The following MAPK8IP3 variants were observed in gnomAD, a reference collection of about 807,000 sequenced individuals.
MAPK8IP3 encodes the protein C-Jun-amino-terminal kinase-interacting protein 3.
MAPK8IP3 carries 49 observed loss-of-function variants against 157.8 expected under a neutral mutation model. The ratio of observed to expected loss-of-function variants is 0.31; its 90% CI spans 0.25 to 0.39. MAPK8IP3 has a LOEUF of 0.39. MAPK8IP3 is among the 10% of genes least tolerant of loss of function. MAPK8IP3 has a pLI of 1.00. For missense variants in MAPK8IP3, 1,478 were observed against 1,889.4 expected (o/e 0.78, Z 4.04); for synonymous variants, 897 against 777.7 (o/e 1.15, Z -2.55).
chr16:1,746,174 G>A (rs1365840783), intron 5 of MAPK8IP3: 3 of 152,266 alleles, frequency 2.0e-5, no homozygotes, highest in East Asian at 1.9e-4. Flanking sequence ...CGGGGGCCAC[G>A]GGCAAGCTCT....
At chr16:1,758,105 C>G (rs767371531) in intron 8 of MAPK8IP3, 43 bp from the exon 9 acceptor site, 4 of 1,610,838 alleles carry the variant, frequency 2.5e-6, no homozygotes, top group East Asian at 2.2e-5. Flanking sequence ...TGACCTTTGT[C>G]CCTTCCTTCC....
intron 4 of MAPK8IP3, among the ~76,000 whole-genome samples, chr16:1,736,167 C>T (rs373984394): frequency 5.0e-5 from 6 of 119,624 alleles, no homozygotes; most frequent in African/African-American, 1.3e-4. Flanking sequence ...TCCGTGTGAG[C>T]GTCCGTGTGA....
At chr16:1,708,394 C>G (rs980302606) in intron 1 of MAPK8IP3, among the ~76,000 whole-genome samples, 6 of 152,256 alleles carry the variant, frequency 3.9e-5, no homozygotes, top group Non-Finnish European at 8.8e-5. Flanking sequence ...CTCCCACACT[C>G]AGTGGCCTGA....
At position 1,742,372 on chromosome 16, in the gene MAPK8IP3, C is replaced by T. The variant is rs957103726; in HGVS notation, c.603-960C>T. On this transcript the variant is annotated intron_variant, in intron 4 of 31. Coordinates refer to ENST00000610761, the MANE Select transcript of MAPK8IP3 (RefSeq NM_001318852.2). This position sits in a 1 kb window ranked among gnomAD's most constrained non-coding sequence, Gnocchi z 5.0. ...CTGACAGCTCCAGCTCCCAGGCGCT[C>T]CCACTGTCTTGCCAGGCTGTCCGAG... Among the ~76,000 whole-genome samples, 1 of 152,184 alleles carries T rather than the reference C, an allele frequency of 6.6e-6. No homozygotes were observed. Among genetic ancestry groups the T allele is most frequent in the African/African-American group, 2.4e-5 (1 of 41,450 alleles).
At position 1,758,991 on chromosome 16, in the gene MAPK8IP3, C is replaced by A. The variant is rs1371961321; in HGVS notation, c.1242C>A (p.Phe414Leu). ...ACGGCTCCCTAGTGCGCGATGATTTCTTTGGTAAGGCTGAGGCCCCGTTCC... is the reference window on the plus strand; with the variant it reads ...ACGGCTCCCTAGTGCGCGATGATTTATTTGGTAAGGCTGAGGCCCCGTTCC... ...LLGEFSVRDDFFGMGKEVGNL... is the reference protein window; with the variant it reads ...LLGEFSVRDDLFGMGKEVGNL... The change falls in exon 10 of 32, where the codon TTC becomes TTA. Residue 414 changes from phenylalanine to leucine, a missense_variant. By Grantham distance (22) the Phe-to-Leu change is conservative. Coordinates refer to ENST00000610761, the MANE Select transcript of MAPK8IP3 (RefSeq NM_001318852.2). 1 of 1,614,080 alleles carries A rather than the reference C, an allele frequency of 6.2e-7. No individual in the cohort carries two copies. Among genetic ancestry groups the A allele is most frequent in the Non-Finnish European group, 8.5e-7 (1 of 1,180,040 alleles).
At chr16:1,763,605 G>C (rs2042077108) in intron 16 of MAPK8IP3, 52 bp from the exon 17 acceptor site, 1 of 1,461,214 alleles carries the variant, frequency 6.8e-7, no homozygotes, top group East Asian at 2.7e-5. Context: ...CTGGGGCACT[G>C]TGGGGGCCGC....
At chr16:1,709,020 G>C (rs953143778) in intron 1 of MAPK8IP3, among the ~76,000 whole-genome samples, 2 of 152,210 alleles carry the variant, frequency 1.3e-5, no homozygotes, top group African/African-American at 4.8e-5. Context: ...GGCGTGTCTT[G>C]TTGCAGAGGA....
intron 5 of MAPK8IP3, chr16:1,744,410 C>T: frequency 2.0e-6 from 2 of 985,874 alleles, no homozygotes; most frequent in Non-Finnish European, 2.4e-6. Flanking sequence ...CCTGTGGGGG[C>T]TGCTGCAGGC....
intron 4 of MAPK8IP3, among the ~76,000 whole-genome samples, chr16:1,738,638 G>C (rs1470821596): frequency 7.3e-6 from 1 of 136,760 alleles, no homozygotes; most frequent in Non-Finnish European, 1.6e-5. Context: ...GTGAGCGTGT[G>C]AGCGTCCGTG....
chr16:1,755,578 G>A (rs961027226), intron 8 of MAPK8IP3, among the ~76,000 whole-genome samples: 8 of 152,170 alleles, frequency 5.3e-5, no homozygotes, highest in Non-Finnish European at 7.3e-5. Flanking sequence ...GCCGGGTGCG[G>A]TGGCTCATGC....
chr16:1,765,842 G>T, intron 20 of MAPK8IP3, 118 bp from the exon 21 acceptor site: 2 of 922,236 alleles, frequency 2.2e-6, no homozygotes, highest in Non-Finnish European at 3.3e-6. Context: ...GTGGAAGCTG[G>T]GTCTGCTGGG....
intron 1 of MAPK8IP3, among the ~76,000 whole-genome samples, chr16:1,711,908 A>C (rs1287507278): frequency 2.7e-5 from 4 of 146,490 alleles, no homozygotes; most frequent in Admixed American, 7.0e-5. Flanking sequence ...ACGCTACTGC[A>C]CTCCAGCCTG....
intron 9 of MAPK8IP3, among the ~76,000 whole-genome samples, 198 bp from the exon 10 acceptor site, chr16:1,758,780 T>C (rs779249366): frequency 6.6e-6 from 1 of 152,144 alleles, no homozygotes; most frequent in African/African-American, 2.4e-5. Flanking sequence ...GGATAAACTT[T>C]CCAGAAGGAA....
chr16:1,762,785 G>T, intron 15 of MAPK8IP3, 51 bp from the exon 16 acceptor site: 1 of 1,599,476 alleles, frequency 6.3e-7, no homozygotes, highest in Non-Finnish European at 8.5e-7. Flanking sequence ...GAAGGGGCAG[G>T]GAGGTTCCCT....
At chr16:1,764,514 C>T (rs2042143998) in intron 19 of MAPK8IP3, 55 bp downstream of exon 19, 4 of 1,575,592 alleles carry the variant, frequency 2.5e-6, no homozygotes, top group Admixed American at 1.8e-5. Flanking sequence ...CAGGACAGCT[C>T]AGCTGCAGAG....
intron 8 of MAPK8IP3, 66 bp downstream of exon 8, chr16:1,748,786 T>C (rs772716451): frequency 1.4e-6 from 2 of 1,409,804 alleles, no homozygotes; most frequent in Non-Finnish European, 2.0e-6. Flanking sequence ...CTGTTGGTTT[T>C]GTTTGTAATG....
chr16:1,712,334 T>C (rs1316319745), intron 1 of MAPK8IP3, among the ~76,000 whole-genome samples: 1 of 151,982 alleles, frequency 6.6e-6, no homozygotes, highest in Non-Finnish European at 1.5e-5. Context: ...GTGCTGGGAT[T>C]ACAGGCATGA....
rs1375572299 is a variant in MAPK8IP3, at chr16:1,767,560, A to G, written c.3238-4A>G. 1 of 1,610,960 alleles carries G rather than the reference A, an allele frequency of 6.2e-7. No individual in the cohort carries two copies. The highest frequency in any genetic ancestry group is 8.5e-7 in the Non-Finnish European group (1 of 1,179,134). On this transcript the variant is annotated splice_polypyrimidine_tract_variant and splice_region_variant and intron_variant, in intron 26 of 31. Transcript: ENST00000610761. ...CCTGTTGATGGGCAGCCATGACTCC[A>G]CAGAAGTCATTTGACGCCCACCCGC...
At chr16:1,754,745 C>T (rs897396118) in intron 8 of MAPK8IP3, among the ~76,000 whole-genome samples, 1 of 145,638 alleles carries the variant, frequency 6.9e-6, no homozygotes, top group Admixed American at 6.9e-5. Context: ...CACTCCAGAG[C>T]GAGACTCCGT....
Sources: gnomAD v4.1 joint callset for allele counts (sites outside exome capture counted in the v4.1 genomes callset) on GRCh38, gnomAD v4.1.1 for gene constraint, Gnocchi (gnomAD v3.1) non-coding constraint, MANE v1.5 for transcripts, NCBI Gene and HGNC (gene_info 2026-07-23, HGNC 2026-07-21) for gene names.